PATL1: variants seen among roughly 807,000 people sequenced by gnomAD.
PATL1 encodes the protein protein PAT1 homolog 1.
In PATL1, 32 loss-of-function variants were observed where a neutral mutation model predicts 100.6. The ratio of observed to expected loss-of-function variants is 0.32; its 90% CI spans 0.24 to 0.43. The LOEUF (loss-of-function observed/expected upper bound fraction) is 0.43. Among genes scored for constraint, PATL1 ranks in the 20% least tolerant of loss-of-function variants. The pLI is 1.00. For missense variants in PATL1, 747 were observed against 949.9 expected (o/e 0.79, Z 2.81); for synonymous variants, 332 against 330.0 (o/e 1.01, Z -0.07).
chr11:59,651,087 C>T lies in PATL1; in HGVS notation c.1525-274G>A, dbSNP rs114131513. Among the ~76,000 whole-genome samples, 839 of 151,242 alleles carry T rather than the reference C, an allele frequency of 5.5e-3. 10 individuals are homozygous for T. Among genetic ancestry groups the T allele is most frequent in the African/African-American group, 0.019 (781 of 41,132 alleles). On this transcript the variant is annotated intron_variant, in intron 12 of 18. Transcript: ENST00000300146. Reference sequence around the variant, plus strand: ...ATGAAAATCTTTTTTTTTTCTTAAACGTTAATTTTAGGTTCAATGGTACAC... The same window carrying T: ...ATGAAAATCTTTTTTTTTTCTTAAATGTTAATTTTAGGTTCAATGGTACAC...
intron 4 of PATL1, 30 bp downstream of exon 4, chr11:59,658,836 A>C (rs1416000647): frequency 6.6e-7 from 1 of 1,520,680 alleles, no homozygotes; most frequent in Non-Finnish European, 8.8e-7. Context: ...GGATATTATA[A>C]ATTTTATGTA....
intron 2 of PATL1, among the ~76,000 whole-genome samples, chr11:59,659,784 C>T (rs1229422309): frequency 1.3e-5 from 2 of 152,132 alleles, no homozygotes; most frequent in Non-Finnish European, 2.9e-5. Context: ...AAATGATCCA[C>T]CCATCTCGGC....
At chr11:59,650,127 G>GAAAAAAAAA in intron 13 of PATL1, among the ~76,000 whole-genome samples, 1 of 61,636 alleles carries the variant, frequency 1.6e-5, no homozygotes, top group Non-Finnish European at 3.2e-5. Flanking sequence ...ATCTCAAAAG[G>GAAAAAAAAA]AAAAAAAAAA....
chr11:59,663,112 G>T (rs1861648624), intron 2 of PATL1, among the ~76,000 whole-genome samples: 1 of 152,076 alleles, frequency 6.6e-6, no homozygotes, highest in African/African-American at 2.4e-5. Context: ...TAGTTACTTA[G>T]ATATGCCAGT....
chr11:59,663,690 T>C (rs1430376529), intron 2 of PATL1, among the ~76,000 whole-genome samples: 1 of 152,196 alleles, frequency 6.6e-6, no homozygotes, highest in Non-Finnish European at 1.5e-5. Context: ...ACACTATTTA[T>C]TGCTCTAAGA....
intron 13 of PATL1, 34 bp from the exon 14 acceptor site, chr11:59,649,644 C>G (rs1338506798): frequency 6.2e-7 from 1 of 1,600,902 alleles, no homozygotes; most frequent in East Asian, 2.2e-5. Context: ...CCACAGCATG[C>G]TAGGTCAGAA....
intron 18 of PATL1, 94 bp downstream of exon 18, chr11:59,638,954 A>G: frequency 3.6e-6 from 5 of 1,391,600 alleles, no homozygotes; most frequent in Non-Finnish European, 4.9e-6. Context: ...AAATGCTGGG[A>G]TTACAGGTGT....
chr11:59,651,400 G>A (rs1440650031), intron 12 of PATL1, 144 bp downstream of exon 12: 1 of 635,810 alleles, frequency 1.6e-6, no homozygotes, highest in South Asian at 2.0e-5. Context: ...GCACATCTGT[G>A]GAAAACTAGA....
chr11:59,661,199 C>A (rs541858223), intron 2 of PATL1, among the ~76,000 whole-genome samples: 1 of 152,320 alleles, frequency 6.6e-6, no homozygotes, highest in African/African-American at 2.4e-5. Context: ...ATTCCCCCAA[C>A]CTCAGCCTCC....
rs1861327335 is a variant in PATL1 at position 59,644,106 on chromosome 11, G to A, written c.1894-1071C>T. On this transcript the variant is annotated intron_variant, in intron 15 of 18. Transcript: ENST00000300146. Reference sequence around the variant, plus strand: ...TATAAATTAAAAAAGCTTTTATTATGGTCATTTTAGAACATACATGAAAAT... The same window carrying A: ...TATAAATTAAAAAAGCTTTTATTATAGTCATTTTAGAACATACATGAAAAT... 2.0e-5 allele frequency among the ~76,000 whole-genome samples: 3 copies of A among 152,030 alleles called. No homozygotes were observed. The South Asian group carries it at 6.2e-4, about 31-fold the overall frequency.
rs115510405 is a variant in PATL1, at chr11:59,648,247, G to A, written c.1734-334C>T. Among the ~76,000 whole-genome samples, 511 of 146,394 alleles carry A rather than the reference G, an allele frequency of 3.5e-3. 5 individuals carry two copies. Among genetic ancestry groups the A allele is most frequent in the African/African-American group, 0.011 (446 of 39,520 alleles). The stretch of plus-strand genomic sequence containing the variant: ...GTTACCCAGGCTGGAGTGCAGTGGC[G>A]CTATCTTGGTTCATTGCAGCCTCCA... On this transcript the variant is annotated intron_variant, in intron 14 of 18. Coordinates refer to ENST00000300146, the MANE Select transcript of PATL1 (RefSeq NM_152716.3).
intron 18 of PATL1, 96 bp from the exon 19 acceptor site, chr11:59,638,507 TAA>T (rs1861224875): frequency 8.8e-7 from 1 of 1,131,596 alleles, no homozygotes; most frequent in Admixed American, 2.0e-5. Flanking sequence ...AGACTTCTCA[TAA>T]CAAAATACCC....
intron 15 of PATL1, among the ~76,000 whole-genome samples, chr11:59,643,634 T>C (rs942213313): frequency 4.6e-5 from 7 of 152,086 alleles, no homozygotes; most frequent in African/African-American, 1.4e-4. Flanking sequence ...CAAGGTTACA[T>C]TGAACTATGA....
At chr11:59,660,095 T>C (rs571781707) in intron 2 of PATL1, among the ~76,000 whole-genome samples, 1 of 152,298 alleles carries the variant, frequency 6.6e-6, no homozygotes, top group African/African-American at 2.4e-5. Context: ...GTACTACTAG[T>C]TGGTTTTGAG....
intron 2 of PATL1, among the ~76,000 whole-genome samples, chr11:59,661,766 T>C (rs1861627892): frequency 1.3e-5 from 2 of 152,204 alleles, no homozygotes; most frequent in African/African-American, 4.8e-5. Context: ...GTTTATAAAG[T>C]TAACTTGTTT....
At position 59,652,828 on chromosome 11, in the gene PATL1, G is replaced by C. The variant is rs1324435119; in HGVS notation, c.1302+10C>G. ...AACTATTATCCTCAAAACTAGCACA[G>C]AGTATTTACCTGGTAATAAAAATCA... On this transcript the variant is annotated intron_variant, in intron 10 of 18. Coordinates refer to ENST00000300146, the MANE Select transcript of PATL1 (RefSeq NM_152716.3). The C allele has an allele frequency of 4.3e-6, 7 of 1,610,916 alleles. No homozygotes were observed. Among genetic ancestry groups the C allele is most frequent in the African/African-American group, 1.3e-5 (1 of 74,838 alleles).
intron 8 of PATL1, 22 bp from the exon 9 acceptor site, chr11:59,654,094 T>G: frequency 1.3e-6 from 2 of 1,582,712 alleles, no homozygotes; most frequent in Non-Finnish European, 1.7e-6. Context: ...GGAAAAGAGG[T>G]TCTCAGTTTG....
Position 59,657,544 on chromosome 11 carries a change from T to A in PATL1, c.607A>T (p.Ser203Cys), listed in dbSNP as rs1359539156. 2 of 1,602,554 alleles carry A rather than the reference T, an allele frequency of 1.2e-6. No individual in the cohort carries two copies. The highest frequency in any genetic ancestry group is 4.5e-5 in the East Asian group (2 of 44,718). Residue 203 changes from serine to cysteine, a missense_variant, in exon 5 of 19, where the codon AGC becomes TGC. Ser to Cys is a moderately radical substitution (Grantham distance 112). Transcript: ENST00000300146. ...ATGAGAGGTACCTGTTGGGTGAAGC[T>A]GGGTACAGCCATCTGTTTAGGTGGG... The part of the protein sequence containing the change: ...GTPPKQMAVP[S>C]FTQQILCPKP...
At position 59,656,001 on chromosome 11, in the gene PATL1, A is replaced by G. The variant is rs377171631; in HGVS notation, c.768T>C (p.Pro256=). The G allele has an allele frequency of 6.3e-7, 1 of 1,590,376 alleles. No homozygotes were observed. Among genetic ancestry groups the G allele is most frequent in the Non-Finnish European group, 8.5e-7 (1 of 1,171,868 alleles). ...GTGCTCTCTGGAGGGGGCTGAGAACAGGAGGAACACTAGGAGGAAAAGGGT... is the reference window on the plus strand; with the variant it reads ...GTGCTCTCTGGAGGGGGCTGAGAACGGGAGGAACACTAGGAGGAAAAGGGT... ...LGHPFPPSVP[P]VLSPLQRAQL... Residue 256 remains proline, a synonymous_variant, in exon 7 of 19, where the codon CCT becomes CCC. Transcript: ENST00000300146.
Sources: gnomAD v4.1 joint callset for allele counts (sites outside exome capture counted in the v4.1 genomes callset) on GRCh38, gnomAD v4.1.1 for gene constraint, MANE v1.5 for transcripts, NCBI Gene and HGNC (gene_info 2026-07-23, HGNC 2026-07-21) for gene names.